The following MKLN1 variants were observed in gnomAD, a reference collection of about 807,000 sequenced individuals.
The protein encoded by MKLN1 is muskelin.
A neutral mutation model predicts 99.0 loss-of-function variants in MKLN1; 18 were observed. That is an observed-to-expected ratio of 0.18 (90% confidence interval 0.13 to 0.27). The LOEUF (loss-of-function observed/expected upper bound fraction) is 0.27. Among genes scored for constraint, MKLN1 ranks in the 10% least tolerant of loss-of-function variants. MKLN1 has a pLI of 1.00. For missense variants in MKLN1, 621 were observed against 875.9 expected (o/e 0.71, Z 3.67); for synonymous variants, 288 against 293.2 (o/e 0.98, Z 0.18).
chr7:131,198,334 T>G (rs1443433863), intron 2 of MKLN1, among the ~76,000 whole-genome samples: 1 of 152,234 alleles, frequency 6.6e-6, no homozygotes, highest in African/African-American at 2.4e-5. Context: ...GTAGGACACA[T>G]GTCGTCAGGA....
chr7:131,224,833 G>C (rs556661148), intron 3 of MKLN1, among the ~76,000 whole-genome samples: 1 of 152,010 alleles, frequency 6.6e-6, no homozygotes, highest in African/African-American at 2.4e-5. Flanking sequence ...CAGCACTTTG[G>C]GGGGCCGAGG....
At position 131,494,808 on chromosome 7, in the gene MKLN1, A is replaced by G. The variant is rs1276415907; in HGVS notation, c.*7080A>G. ...GTCTTTTGAAAAGAAAGTAGATAGT[A>G]TAGTATTAATTAACTACTTTGTATA... On this transcript the variant is annotated 3_prime_UTR_variant, in exon 18 of 18. Transcript: ENST00000352689. The G allele has an allele frequency of 1.3e-5, 2 of 152,240 alleles. No homozygotes were observed. The highest frequency in any genetic ancestry group is 2.9e-5 in the Non-Finnish European group (2 of 68,044). 9.4% of individuals were successfully genotyped at this position (152,240 alleles called of 1,614,324 possible).
intron 2 of MKLN1, among the ~76,000 whole-genome samples, chr7:131,167,610 T>A (rs112623835): frequency 6.7e-5 from 10 of 149,368 alleles, no homozygotes; most frequent in African/African-American, 2.5e-4. Flanking sequence ...AGGTTGAGGC[T>A]GCAGTGAGCT....
At chr7:131,367,991 G>A (rs1275820766) in intron 1 of MKLN1, among the ~76,000 whole-genome samples, 3 of 152,182 alleles carry the variant, frequency 2.0e-5, no homozygotes, top group African/African-American at 7.2e-5. Flanking sequence ...AAGGAGGATA[G>A]GCTATATATA....
intron 1 of MKLN1, among the ~76,000 whole-genome samples, chr7:131,131,469 T>C (rs1795550559): frequency 6.6e-6 from 1 of 152,170 alleles, no homozygotes; most frequent in Non-Finnish European, 1.5e-5. Flanking sequence ...TGTGCAAGGT[T>C]CTATGCAAAA....
At chr7:131,437,244 T>TCC in intron 9 of MKLN1, among the ~76,000 whole-genome samples, 1 of 151,924 alleles carries the variant, frequency 6.6e-6, no homozygotes, top group Non-Finnish European at 1.5e-5. Context: ...CCCTCGACAG[T>TCC]CCCTGGTGTG....
intron 5 of MKLN1, among the ~76,000 whole-genome samples, chr7:131,398,702 GAA>G (rs371039357): frequency 5.0e-5 from 7 of 139,848 alleles, no homozygotes; most frequent in Non-Finnish European, 9.4e-5. Context: ...AAAAAAGAAA[GAA>G]AAAAAAAAAG....
intron 2 of MKLN1, among the ~76,000 whole-genome samples, chr7:131,180,874 C>T (rs529841496): frequency 6.6e-6 from 1 of 152,116 alleles, no homozygotes; most frequent in East Asian, 1.9e-4. Flanking sequence ...TATTTGTACT[C>T]TACAAAAATA....
upstream of MKLN1, chr7:131,326,740 G>C (rs1023212156): frequency 6.6e-6 from 1 of 152,204 alleles, no homozygotes; most frequent in Non-Finnish European, 1.5e-5. Context: ...AAGGACTGGA[G>C]GGAATTTCGG....
intron 1 of MKLN1, among the ~76,000 whole-genome samples, chr7:131,125,522 G>A (rs867585515): frequency 8.5e-5 from 13 of 152,254 alleles, no homozygotes; most frequent in Middle Eastern, 3.4e-3. Flanking sequence ...TCATATGATT[G>A]GAAGTGTACA....
intron 2 of MKLN1, among the ~76,000 whole-genome samples, chr7:131,195,762 C>T (rs1796634121): frequency 6.6e-6 from 1 of 151,958 alleles, no homozygotes; most frequent in African/African-American, 2.4e-5. Context: ...ACCAGCCTGG[C>T]CAACGTGGTG....
At chr7:131,268,775 A>C (rs1425475338) in intron 3 of MKLN1, among the ~76,000 whole-genome samples, 1 of 152,214 alleles carries the variant, frequency 6.6e-6, no homozygotes, top group Admixed American at 6.5e-5. Flanking sequence ...CCACATGGAA[A>C]AACAGAGAGC....
intron 2 of MKLN1, among the ~76,000 whole-genome samples, chr7:131,194,186 T>C (rs1796609394): frequency 6.6e-6 from 1 of 152,072 alleles, no homozygotes; most frequent in Admixed American, 6.6e-5. Flanking sequence ...CAGAGGCATT[T>C]AGTATATTTA....
chr7:131,184,233 TC>T (rs1796416342), intron 2 of MKLN1, among the ~76,000 whole-genome samples: 1 of 152,078 alleles, frequency 6.6e-6, no homozygotes, highest in South Asian at 2.1e-4. Flanking sequence ...CAAGCAATCC[TC>T]CCAACTCCGC....
intron 3 of MKLN1, among the ~76,000 whole-genome samples, chr7:131,300,698 A>G (rs1319102722): frequency 1.6e-5 from 2 of 122,324 alleles, no homozygotes; most frequent in South Asian, 5.1e-4. Context: ...AAAAAAAAAA[A>G]AACAACCAAA....
Position 131,488,973 on chromosome 7 carries a change from C to T in MKLN1, c.*1245C>T, listed in dbSNP as rs759546814. On this transcript the variant is annotated 3_prime_UTR_variant, in exon 18 of 18. Transcript: ENST00000352689. ...GGAATGCAATGTGGGAAACCTACAT[C>T]TGGCTAGTGCTTACATTTGCTCAAA... is the stretch of plus-strand genomic sequence containing the variant. 7.2e-5 allele frequency: 11 copies of T among 152,192 alleles called. No individual in the cohort carries two copies. The highest frequency in any genetic ancestry group is 1.3e-4 in the Non-Finnish European group (9 of 68,038). The allele number at this position is 152,192 out of a possible 1,614,324, so 9.4% of individuals were successfully genotyped here.
At chr7:131,118,380 C>T (rs1035091556) in intron 1 of MKLN1, among the ~76,000 whole-genome samples, 1 of 151,982 alleles carries the variant, frequency 6.6e-6, no homozygotes, top group Non-Finnish European at 1.5e-5. Flanking sequence ...ATGGTGAAAC[C>T]CCATCTCTAC....
intron 1 of MKLN1, among the ~76,000 whole-genome samples, chr7:131,140,015 G>A (rs1795707860): frequency 6.6e-6 from 1 of 152,166 alleles, no homozygotes; most frequent in Non-Finnish European, 1.5e-5. Context: ...AGGAAATTTA[G>A]GGATTATGTC....
At chr7:131,424,299 CTCT>C (rs1795294336) in intron 8 of MKLN1, among the ~76,000 whole-genome samples, 1 of 151,858 alleles carries the variant, frequency 6.6e-6, no homozygotes, top group Admixed American at 6.6e-5. Context: ...CTTCCCCTGC[CTCT>C]TCTTTTTGAT....
Sources: gnomAD v4.1 joint callset for allele counts (sites outside exome capture counted in the v4.1 genomes callset) on GRCh38, gnomAD v4.1.1 for gene constraint, MANE v1.5 for transcripts, NCBI Gene and HGNC (gene_info 2026-07-23, HGNC 2026-07-21) for gene names.